The following SENP7 variants were observed in gnomAD, a reference collection of about 807,000 sequenced individuals.
SENP7 encodes sentrin-specific protease 7.
Under a neutral mutation model 141.2 loss-of-function variants are expected in SENP7, and 64 were observed. That is an observed-to-expected ratio of 0.45 (90% confidence interval 0.37 to 0.56). The LOEUF is 0.56. SENP7 is among the 20% of genes least tolerant of loss of function. The pLI, the probability that SENP7 is intolerant of heterozygous loss-of-function variation, is 0.00. For missense variants in SENP7, 1,025 were observed against 1,212.2 expected (o/e 0.85, Z 2.29); for synonymous variants, 382 against 426.4 (o/e 0.90, Z 1.28).
intron 20 of SENP7, among the ~76,000 whole-genome samples, chr3:101,329,507 G>A (rs1433085740): frequency 3.3e-5 from 5 of 151,996 alleles, no homozygotes; most frequent in Non-Finnish European, 7.4e-5. Flanking sequence ...ATCATTAAGT[G>A]GCAATCTTAA....
chr3:101,339,208 AAAG>A (rs2059266466), intron 16 of SENP7, among the ~76,000 whole-genome samples: 1 of 152,228 alleles, frequency 6.6e-6, no homozygotes, highest in Non-Finnish European at 1.5e-5. Flanking sequence ...TTACTGGGAT[AAAG>A]ATTACTAGTA....
chr3:101,421,341 T>C (rs967651456), intron 4 of SENP7, among the ~76,000 whole-genome samples: 2 of 151,916 alleles, frequency 1.3e-5, no homozygotes, highest in Non-Finnish European at 2.9e-5. Context: ...TTTATACATT[T>C]TACAACTGTA....
chr3:101,409,436 C>G (rs1245497224), intron 5 of SENP7, among the ~76,000 whole-genome samples: 1 of 152,054 alleles, frequency 6.6e-6, no homozygotes, highest in Non-Finnish European at 1.5e-5. Context: ...TTAGAAAAAA[C>G]AATTATAAAA....
At chr3:101,353,230 T>C (rs1175471900) in intron 11 of SENP7, among the ~76,000 whole-genome samples, 1 of 152,006 alleles carries the variant, frequency 6.6e-6, no homozygotes, top group African/African-American at 2.4e-5. Flanking sequence ...AAATATATCT[T>C]GGCAAACGTA....
intron 6 of SENP7, among the ~76,000 whole-genome samples, chr3:101,381,398 A>G (rs2107497980): frequency 6.6e-6 from 1 of 152,286 alleles, no homozygotes; most frequent in South Asian, 2.1e-4. Flanking sequence ...ATAGTGTGAA[A>G]TGAATAAAAA....
intron 5 of SENP7, among the ~76,000 whole-genome samples, chr3:101,409,023 T>C (rs551755833): frequency 2.0e-5 from 3 of 152,258 alleles, no homozygotes; most frequent in African/African-American, 7.2e-5. Context: ...ATCATTTACC[T>C]TGAAAACCCT....
rs201107736 is a variant in SENP7, at chr3:101,351,580, T to C, written c.1657+38A>G. ...TTACTTAAATTTATACTAAAAACTATAGTAAAAAGACAAGTTCATAAGAGA... is the reference window on the plus strand; with the variant it reads ...TTACTTAAATTTATACTAAAAACTACAGTAAAAAGACAAGTTCATAAGAGA... On this transcript the variant is annotated intron_variant, in intron 12 of 23. Coordinates refer to ENST00000394095, the MANE Select transcript of SENP7 (RefSeq NM_020654.5). 2.8e-5 allele frequency: 36 copies of C among 1,301,068 alleles called. No individual in the cohort carries two copies. In the Admixed American group the frequency reaches 4.3e-4, roughly 16 times the overall value. The allele number at this position is 1,301,068 out of a possible 1,614,324, so 80.6% of individuals were successfully genotyped here. A position where few individuals can be genotyped will look rare whatever the true frequency, so the allele number is the denominator to read the frequency against.
In SENP7 at chr3:101,361,784, T is replaced by G; in HGVS notation, c.1554A>C (p.Leu518=). Residue 518 remains leucine, a synonymous_variant, in exon 11 of 24, where the codon CTA becomes CTC. Transcript: ENST00000394095. ...CAGAAGTAAATATAAAATCCAGTTG[T>G]AGATCCATCTCATTACTAGGCATAA... ...SSIMPSNEMD[L]QLDFIFTSVY... 1 of 1,609,062 alleles carries G rather than the reference T, an allele frequency of 6.2e-7. No individual in the cohort carries two copies. The highest frequency in any genetic ancestry group is 8.5e-7 in the Non-Finnish European group (1 of 1,178,232).
rs1216071886 is a variant in SENP7, at chr3:101,493,776, A to G, written c.186+97T>C. ...TTAAATAACACAAGAAAACCAAAAA[A>G]GGGACATATCAGAAAATAAACATTC... On this transcript the variant is annotated intron_variant, in intron 3 of 23. Coordinates refer to ENST00000394095, the MANE Select transcript of SENP7 (RefSeq NM_020654.5). 7.2e-5 allele frequency: 50 copies of G among 694,078 alleles called. 1 individual carries two copies. The highest frequency in any genetic ancestry group is 1.0e-4 in the Non-Finnish European group (45 of 434,354). 43.0% of individuals were successfully genotyped at this position (694,078 alleles called of 1,614,324 possible). A position where few individuals can be genotyped will look rare whatever the true frequency, so the allele number is the denominator to read the frequency against.
chr3:101,450,082 C>G (rs1188250079), intron 4 of SENP7, among the ~76,000 whole-genome samples: 2 of 152,138 alleles, frequency 1.3e-5, no homozygotes, highest in Admixed American at 1.3e-4. Context: ...ATAAAACAGA[C>G]TTTAAACCAA....
At chr3:101,402,862 T>C (rs1252978157) in intron 5 of SENP7, among the ~76,000 whole-genome samples, 1 of 152,228 alleles carries the variant, frequency 6.6e-6, no homozygotes, top group African/African-American at 2.4e-5. Context: ...GAATTCGTGT[T>C]GTTTTCATGC....
chr3:101,456,246 A>G (rs2063348374), intron 4 of SENP7, among the ~76,000 whole-genome samples: 1 of 152,146 alleles, frequency 6.6e-6, no homozygotes, highest in Non-Finnish European at 1.5e-5. Flanking sequence ...ATCACATTCT[A>G]TTATTCAAAA....
chr3:101,421,537 G>GAAA (rs2061791375), intron 4 of SENP7, among the ~76,000 whole-genome samples: 1 of 152,006 alleles, frequency 6.6e-6, no homozygotes, highest in Non-Finnish European at 1.5e-5. Flanking sequence ...TTCAATGTTG[G>GAAA]AAAAAGCCAT....
In SENP7 at chr3:101,343,903, C is replaced by A; in HGVS notation, c.1889G>T (p.Arg630Ile). The change falls in exon 14 of 24, where the codon AGA becomes ATA. Residue 630 changes from arginine (R) to isoleucine (I), a missense_variant. Arg to Ile is a moderately conservative substitution (Grantham distance 97, BLOSUM62 -3). Coordinates refer to ENST00000394095, the MANE Select transcript of SENP7 (RefSeq NM_020654.5). ...AATATCTTTCAGCTTCAATTCTTCT[C>A]TTTGTGAAACAGGATTGTGTAGTTC... The part of the protein sequence containing the change: ...FLELHNPVSQ[R>I]EELKLKDIMT... 1 of 1,610,960 alleles carries A rather than the reference C, an allele frequency of 6.2e-7. No individual in the cohort carries two copies. Among genetic ancestry groups the A allele is most frequent in the Non-Finnish European group, 8.5e-7 (1 of 1,177,958 alleles).
chr3:101,332,260 A>G (rs2059077656), intron 18 of SENP7, 151 bp from the exon 19 acceptor site: 3 of 724,528 alleles, frequency 4.1e-6, no homozygotes, highest in South Asian at 2.4e-5. Flanking sequence ...GAGCATACAT[A>G]TCAACACTAA....
chr3:101,424,955 T>G (rs1313871972), intron 4 of SENP7, among the ~76,000 whole-genome samples: 2 of 152,178 alleles, frequency 1.3e-5, no homozygotes, highest in Non-Finnish European at 2.9e-5. Context: ...ATACGCCTCA[T>G]GAGATCTAAT....
At chr3:101,463,372 T>TATATATATATATATATATATATAC (rs2063625502) in intron 3 of SENP7, among the ~76,000 whole-genome samples, 1 of 84,512 alleles carries the variant, frequency 1.2e-5, no homozygotes, top group African/African-American at 5.3e-5. Flanking sequence ...TAAATATATA[T>TATATATATATATATATATATATAC]ATATATATAT....
chr3:101,388,691 A>AT (rs991839888), intron 6 of SENP7, among the ~76,000 whole-genome samples: 13 of 152,280 alleles, frequency 8.5e-5, no homozygotes, highest in East Asian at 1.9e-4. Context: ...CAAAATAATG[A>AT]TTTTTTTAAA....
chr3:101,431,275 T>C lies in SENP7; in HGVS notation c.285-13485A>G, dbSNP rs1484668674. Among the ~76,000 whole-genome samples the C allele has an allele frequency of 1.3e-5, 2 of 152,080 alleles. 1 individual carries two copies. Among genetic ancestry groups the C allele is most frequent in the Non-Finnish European group, 2.9e-5 (2 of 68,022 alleles). On this transcript the variant is annotated intron_variant, in intron 4 of 23. Coordinates refer to ENST00000394095, the MANE Select transcript of SENP7 (RefSeq NM_020654.5). ...TCATTGATCTGTCTAATATTAACAG[T>C]AGGGTGTTAAAGTCTCCCACTATTA...
Sources: allele counts gnomAD v4.1 joint callset (sites outside exome capture counted in the v4.1 genomes callset), GRCh38; gene constraint gnomAD v4.1.1; transcripts MANE v1.5; gene names NCBI Gene and HGNC (gene_info 2026-07-23, HGNC 2026-07-21).